Variants in C2CD5 observed in about 807,000 individuals in gnomAD.
C2CD5 encodes C2 domain-containing protein 5.
C2CD5 carries 109 observed loss-of-function variants against 130.3 expected under a neutral mutation model. The ratio of observed to expected loss-of-function variants is 0.84; its 90% CI spans 0.72 to 0.98. The LOEUF is 0.98. Ranked by LOEUF, C2CD5 falls within the 50% of genes least tolerant of loss-of-function variation. The pLI is 0.00. For synonymous variants in C2CD5, 454 were observed against 429.2 expected (o/e 1.06, Z -0.71); for missense variants, 996 against 1,261.8 (o/e 0.79, Z 3.19).
At chr12:22,498,455 A>G (rs1947333184) in intron 10 of C2CD5, among the ~76,000 whole-genome samples, 2 of 152,188 alleles carry the variant, frequency 1.3e-5, no homozygotes, top group African/African-American at 4.8e-5. Flanking sequence ...ATATATCCCT[A>G]TATAATCAGC....
Position 22,506,895 on chromosome 12 carries a change from C to A in C2CD5, c.1039-76G>T, listed in dbSNP as rs552011827. 3.6e-6 allele frequency: 3 copies of A among 831,992 alleles called. No homozygotes were observed. The South Asian group carries it at 4.1e-5, about 11-fold the overall frequency. 51.5% of individuals were successfully genotyped at this position (831,992 alleles called of 1,614,324 possible). On this transcript the variant is annotated intron_variant, in intron 9 of 26. Transcript: ENST00000446597. ...AAAATTTGCTTATTAAAAAGCTTGC[C>A]ATAGCAACTGTATTACATCCCTTGA...
At chr12:22,470,196 T>C (rs1175363496) in intron 21 of C2CD5, among the ~76,000 whole-genome samples, 1 of 152,148 alleles carries the variant, frequency 6.6e-6, no homozygotes, top group Non-Finnish European at 1.5e-5. Flanking sequence ...ATTAACTCAC[T>C]GCTCAAATCT....
At chr12:22,486,186 GAA>G (rs35716305) in intron 12 of C2CD5, among the ~76,000 whole-genome samples, 41 of 111,320 alleles carry the variant, frequency 3.7e-4, no homozygotes, top group Admixed American at 3.9e-4. Flanking sequence ...GGCTTGAATG[GAA>G]AAAAAAAAAA....
At position 22,528,800 on chromosome 12, in the gene C2CD5, T is replaced by C. The variant is rs140719823; in HGVS notation, c.178-908A>G. ...TCAAGTGATAGCTCTGCAACCCTTA[T>C]ACTCTGGTTGGTTTTTTAAACTTGG... On this transcript the variant is annotated intron_variant, in intron 3 of 26. Coordinates refer to ENST00000446597, the MANE Select transcript of C2CD5 (RefSeq NM_001286176.2). Among the ~76,000 whole-genome samples, 10 of 152,318 alleles carry C rather than the reference T, an allele frequency of 6.6e-5. No homozygotes were observed. The East Asian group carries it at 1.9e-3, about 29-fold the overall frequency.
Position 22,466,045 on chromosome 12 carries a change from G to A in C2CD5, c.2533+3664C>T, listed in dbSNP as rs550246675. On this transcript the variant is annotated intron_variant, in intron 22 of 26. Coordinates refer to ENST00000446597, the MANE Select transcript of C2CD5 (RefSeq NM_001286176.2). Reference sequence around the variant, plus strand: ...ACATGGATGGACAATTCAGGCCCAGGCTTACTCTACACTGTGAATTAAGAT... The same window carrying A: ...ACATGGATGGACAATTCAGGCCCAGACTTACTCTACACTGTGAATTAAGAT... Among the ~76,000 whole-genome samples, 3 of 151,908 alleles carry A rather than the reference G, an allele frequency of 2.0e-5. No individual in the cohort carries two copies. In the South Asian group the frequency reaches 6.2e-4, roughly 32 times the overall value.
chr12:22,515,275 T>G (rs1011807045), intron 8 of C2CD5: 4 of 202,006 alleles, frequency 2.0e-5, no homozygotes, highest in Non-Finnish European at 2.6e-5. Flanking sequence ...ACAGACAAAT[T>G]ACACTAAGCA....
At chr12:22,459,620 C>T in intron 22 of C2CD5, 78 bp from the exon 23 acceptor site, 1 of 814,968 alleles carries the variant, frequency 1.2e-6, no homozygotes, top group Non-Finnish European at 2.0e-6. Context: ...TTGTTAATAC[C>T]TCTATAAGCC....
At chr12:22,465,164 T>C (rs547874784) in intron 22 of C2CD5, among the ~76,000 whole-genome samples, 21 of 152,190 alleles carry the variant, frequency 1.4e-4, no homozygotes, top group African/African-American at 4.8e-4. Flanking sequence ...CAGCAGCTAA[T>C]GTAATGAATA....
intron 11 of C2CD5, 35 bp downstream of exon 11, chr12:22,493,188 A>G (rs1946577915): frequency 8.4e-7 from 1 of 1,196,798 alleles, no homozygotes; most frequent in Admixed American, 1.9e-5. Context: ...AGTCTAAATT[A>G]GTGTCTGGAA....
chr12:22,485,876 G>T (rs1299838517), intron 12 of C2CD5, among the ~76,000 whole-genome samples: 1 of 151,816 alleles, frequency 6.6e-6, no homozygotes, highest in Admixed American at 6.6e-5. Flanking sequence ...AGATCATAAG[G>T]AATCTTCTCT....
intron 7 of C2CD5, among the ~76,000 whole-genome samples, 187 bp downstream of exon 7, chr12:22,523,239 G>C (rs1186719014): frequency 2.0e-5 from 3 of 151,930 alleles, no homozygotes; most frequent in Non-Finnish European, 2.9e-5. Context: ...AAATAAATAA[G>C]ACGGTATAAA....
At chr12:22,505,993 G>A (rs547175407) in intron 10 of C2CD5, among the ~76,000 whole-genome samples, 3 of 143,672 alleles carry the variant, frequency 2.1e-5, no homozygotes, top group Admixed American at 7.1e-5. Flanking sequence ...TGTCTCCTGA[G>A]TGCTGCCTGG....
chr12:22,500,123 G>A (rs535284908), intron 10 of C2CD5, among the ~76,000 whole-genome samples: 2 of 152,254 alleles, frequency 1.3e-5, no homozygotes, highest in South Asian at 4.1e-4. Context: ...GGCGGAGGTT[G>A]CAGTGAGCTG....
intron 26 of C2CD5, among the ~76,000 whole-genome samples, chr12:22,451,323 A>C (rs1453554737): frequency 6.6e-6 from 1 of 152,204 alleles, no homozygotes. Flanking sequence ...TTCATTATAA[A>C]GAGAAAACAG....
rs772954561 is a variant in C2CD5, at chr12:22,484,902, TA to T, written c.1359-15del. 5.8e-5 allele frequency: 75 copies of T among 1,295,570 alleles called. No individual in the cohort carries two copies. The highest frequency in any genetic ancestry group is 5.7e-4 in the African/African-American group (37 of 64,984). The allele number at this position is 1,295,570 out of a possible 1,614,324, so 80.3% of individuals were successfully genotyped here. ...TTTTCTTCAAGCCTATATAAATAAATAAAAAAATAAGATATTCTTTAAAAAT... is the reference window on the plus strand; with the variant it reads ...TTTTCTTCAAGCCTATATAAATAAATAAAAAATAAGATATTCTTTAAAAAT... On this transcript the variant is annotated splice_polypyrimidine_tract_variant and intron_variant, in intron 12 of 26. Transcript: ENST00000446597.
At chr12:22,494,139 C>T (rs781135469) in intron 10 of C2CD5, among the ~76,000 whole-genome samples, 5 of 152,000 alleles carry the variant, frequency 3.3e-5, no homozygotes, top group Non-Finnish European at 5.9e-5. Context: ...CTGCAAACTA[C>T]TGGTGACAGC....
intron 15 of C2CD5, among the ~76,000 whole-genome samples, chr12:22,476,034 C>T (rs1943795239): frequency 6.6e-6 from 1 of 152,064 alleles, no homozygotes; most frequent in Non-Finnish European, 1.5e-5. Flanking sequence ...ACAAATATAA[C>T]TGTCTGGTAT....
intron 16 of C2CD5, among the ~76,000 whole-genome samples, chr12:22,473,312 C>T (rs1247843146): frequency 6.6e-6 from 1 of 152,152 alleles, no homozygotes; most frequent in East Asian, 1.9e-4. Context: ...TCCAGCTGGA[C>T]AGGCGCTGAC....
intron 22 of C2CD5, chr12:22,460,460 G>A (rs1940882837): frequency 6.6e-6 from 1 of 151,628 alleles, no homozygotes; most frequent in African/African-American, 2.4e-5. Context: ...TGATTTTTTG[G>A]TAACATTCTT....
Sources: gnomAD v4.1 joint callset for allele counts (sites outside exome capture counted in the v4.1 genomes callset) on GRCh38, gnomAD v4.1.1 for gene constraint, MANE v1.5 for transcripts, NCBI Gene and HGNC (gene_info 2026-07-23, HGNC 2026-07-21) for gene names.